Variants in TMPRSS7 observed in about 807,000 individuals in gnomAD.
TMPRSS7 encodes transmembrane protease serine 7.
TMPRSS7 carries 81 observed loss-of-function variants against 95.6 expected under a neutral mutation model. The ratio of observed to expected loss-of-function variants is 0.85; its 90% CI spans 0.71 to 1.02. The LOEUF (loss-of-function observed/expected upper bound fraction) is 1.02. Among genes scored for constraint, TMPRSS7 ranks in the 50% least tolerant of loss-of-function variants. TMPRSS7 has a pLI of 0.00. For missense variants in TMPRSS7, 945 were observed against 955.2 expected (o/e 0.99, Z 0.14); for synonymous variants, 364 against 337.8 (o/e 1.08, Z -0.85).
intron 3 of TMPRSS7, among the ~76,000 whole-genome samples, chr3:112,042,785 T>C (rs977314416): frequency 9.9e-5 from 15 of 152,238 alleles, no homozygotes; most frequent in African/African-American, 3.6e-4. Flanking sequence ...AACTGCCACA[T>C]TCTTTGTGAG....
chr3:112,047,986 T>C lies in TMPRSS7; in HGVS notation c.959+19T>C, dbSNP rs770102958. The C allele has an allele frequency of 6.3e-7, 1 of 1,596,928 alleles. No individual in the cohort carries two copies. The highest frequency in any genetic ancestry group is 1.7e-5 in the Admixed American group (1 of 58,716). Reference sequence around the variant, plus strand: ...TGTACAGGTACGATGCAGGTACTCTTCTTGGTGGGTAAAAATATTTTTCAC... The same window carrying C: ...TGTACAGGTACGATGCAGGTACTCTCCTTGGTGGGTAAAAATATTTTTCAC... On this transcript the variant is annotated intron_variant, in intron 7 of 17. Coordinates refer to ENST00000452346, the Ensembl canonical transcript of TMPRSS7.
chr3:112,066,150 G>A (rs573085576), intron 12 of TMPRSS7, among the ~76,000 whole-genome samples: 1 of 152,254 alleles, frequency 6.6e-6, no homozygotes, highest in Admixed American at 6.5e-5. Context: ...AAATAAACAA[G>A]CCATCAGAGT....
intron 3 of TMPRSS7, among the ~76,000 whole-genome samples, chr3:112,042,431 GT>G (rs899213120): frequency 1.3e-5 from 2 of 152,026 alleles, no homozygotes; most frequent in African/African-American, 4.8e-5. Flanking sequence ...TCTCTTCATT[GT>G]AAAAAAATAA....
At chr3:112,043,985 C>A (rs751538101) in intron 3 of TMPRSS7, among the ~76,000 whole-genome samples, 1 of 152,156 alleles carries the variant, frequency 6.6e-6, no homozygotes, top group Non-Finnish European at 1.5e-5. Context: ...GGGGAGAATA[C>A]AGAAGTTAAG....
chr3:112,049,857 A>C (rs539995245), exon 8 of TMPRSS7: 1 of 1,528,924 alleles, frequency 6.5e-7, no homozygotes, highest in South Asian at 1.3e-5. Flanking sequence ...TTGTGAACCC[A>C]CAAGAACATT....
Position 112,048,355 on chromosome 3 carries a change from G to A in TMPRSS7, c.959+388G>A, listed in dbSNP as rs561555330. On this transcript the variant is annotated intron_variant, in intron 7 of 17. Transcript: ENST00000452346. ...AGTAAACAATTAAATTTTTTTTCTC[G>A]TTACAAAGATAACACATGTTTATTG... is the stretch of plus-strand genomic sequence containing the variant. Among the ~76,000 whole-genome samples the A allele has an allele frequency of 3.9e-5, 6 of 151,986 alleles. No homozygotes were observed. In the East Asian group the frequency reaches 9.7e-4, roughly 24 times the overall value.
chr3:112,049,750 A>C, intron 7 of TMPRSS7, 94 bp from the exon 8 acceptor site: 7 of 1,049,558 alleles, frequency 6.7e-6, no homozygotes, highest in Non-Finnish European at 8.0e-6. Context: ...GATTGAATGG[A>C]TGGCCCAGGA....
At chr3:112,045,720 T>C in intron 4 of TMPRSS7, 30 bp from the exon 5 acceptor site, 2 of 1,524,118 alleles carry the variant, frequency 1.3e-6, no homozygotes, top group Non-Finnish European at 1.8e-6. Flanking sequence ...TCCTATGAGG[T>C]CCCTGATGAT....
At chr3:112,080,581 C>CACA (rs1182257141) in intron 17 of TMPRSS7, among the ~76,000 whole-genome samples, 2 of 149,292 alleles carry the variant, frequency 1.3e-5, no homozygotes, top group East Asian at 3.9e-4. Flanking sequence ...TTACCACCAC[C>CACA]ACCACCACCA....
At chr3:112,064,577 G>A (rs1001563269) in intron 12 of TMPRSS7, among the ~76,000 whole-genome samples, 5 of 151,988 alleles carry the variant, frequency 3.3e-5, no homozygotes, top group African/African-American at 1.2e-4. Context: ...TGCCCAGGCT[G>A]GTGTCAAACT....
intron 4 of TMPRSS7, among the ~76,000 whole-genome samples, 174 bp from the exon 5 acceptor site, chr3:112,045,576 A>G (rs997542996): frequency 1.3e-5 from 2 of 152,236 alleles, no homozygotes; most frequent in African/African-American, 2.4e-5. Context: ...AATACATATA[A>G]CATGATGCTG....
At chr3:112,044,172 G>T in intron 3 of TMPRSS7, 83 bp from the exon 4 acceptor site, 1 of 936,120 alleles carries the variant, frequency 1.1e-6, no homozygotes, top group South Asian at 1.5e-5. Context: ...CTGGCTGTCA[G>T]AGCTTGGGCC....
At chr3:112,055,268 T>A (rs971176693) in intron 9 of TMPRSS7, among the ~76,000 whole-genome samples, 1 of 152,152 alleles carries the variant, frequency 6.6e-6, no homozygotes, top group Non-Finnish European at 1.5e-5. Flanking sequence ...TTGGAAAAGT[T>A]ACTTATCTTG....
At chr3:112,061,831 C>G in exon 11 of TMPRSS7, 1 of 1,612,434 alleles carries the variant, frequency 6.2e-7, no homozygotes, top group African/African-American at 1.3e-5. Context: ...TTTCGAGTGC[C>G]CAGCCCTCTG....
In TMPRSS7 at chr3:112,080,941, C is replaced by T. The variant is rs373946086; in HGVS notation, c.2389C>T (p.Arg797Ter). ...AGATTCGGGTGGACCTTTATCTTGT[C>T]GAAGAAAAAGTGATGGAAAATGGAT... is the stretch of plus-strand genomic sequence containing the variant. The change falls in exon 18 of 18, where the codon CGA becomes TGA. Residue 797 changes from arginine (R) to a stop codon, truncating the protein, a stop_gained. Coordinates refer to ENST00000452346, the Ensembl canonical transcript of TMPRSS7. LOFTEE classifies it high-confidence loss of function. The T allele has an allele frequency of 2.1e-5, 34 of 1,613,098 alleles. No individual in the cohort carries two copies. Among genetic ancestry groups the T allele is most frequent in the South Asian group, 4.4e-5 (4 of 90,960 alleles).
intron 13 of TMPRSS7, 151 bp downstream of exon 13, chr3:112,066,653 C>T: frequency 1.5e-6 from 1 of 664,298 alleles, no homozygotes; most frequent in East Asian, 2.8e-5. Context: ...AGTCCCTTGT[C>T]TTGGGAACCC....
intron 10 of TMPRSS7, among the ~76,000 whole-genome samples, chr3:112,061,220 G>A (rs36047004): frequency 0.032 from 4,940 of 152,262 alleles, 105 homozygotes; most frequent in Middle Eastern, 0.071. Flanking sequence ...AAGGATACTG[G>A]GGGGCATTAG....
At chr3:112,044,578 T>C (rs901608458) in intron 4 of TMPRSS7, among the ~76,000 whole-genome samples, 1 of 152,106 alleles carries the variant, frequency 6.6e-6, no homozygotes, top group Non-Finnish European at 1.5e-5. Flanking sequence ...CTGTGCAAAA[T>C]GGCCATAAAC....
intron 9 of TMPRSS7, among the ~76,000 whole-genome samples, chr3:112,055,771 A>G (rs2073425929): frequency 6.6e-6 from 1 of 152,238 alleles, no homozygotes; most frequent in Non-Finnish European, 1.5e-5. Flanking sequence ...TACAAGTACC[A>G]GACAAAAAGC....
Sources: gnomAD v4.1 joint callset for allele counts (sites outside exome capture counted in the v4.1 genomes callset) on GRCh38, gnomAD v4.1.1 for gene constraint, MANE v1.5 for transcripts, NCBI Gene and HGNC (gene_info 2026-07-23, HGNC 2026-07-21) for gene names.